The following ATP8A2 variants were observed in gnomAD, a reference collection of about 807,000 sequenced individuals.
ATP8A2 encodes the protein ATPase phospholipid transporting 8A2.
A neutral mutation model predicts 165.6 loss-of-function variants in ATP8A2; 100 were observed. The observed-to-expected ratio is 0.60, with a 90% CI of 0.51 to 0.71. The LOEUF (loss-of-function observed/expected upper bound fraction) is 0.71. Ranked by LOEUF, ATP8A2 falls within the 30% of genes least tolerant of loss-of-function variation. The pLI is 0.00. For missense variants in ATP8A2, 1,227 were observed against 1,479.5 expected, an observed-to-expected ratio of 0.83 and a Z score of 2.80; for synonymous variants, 543 against 548.8, an observed-to-expected ratio of 0.99 and a Z score of 0.15.
chr13:25,810,206 A>G (rs1344090366), intron 27 of ATP8A2, among the ~76,000 whole-genome samples: 1 of 152,204 alleles, frequency 6.6e-6, no homozygotes, highest in Non-Finnish European at 1.5e-5. Flanking sequence ...TTCTGAATTT[A>G]CCCATACTTC....
intron 27 of ATP8A2, among the ~76,000 whole-genome samples, chr13:25,791,650 T>A (rs954590879): frequency 6.6e-6 from 1 of 151,872 alleles, no homozygotes; most frequent in Non-Finnish European, 1.5e-5. Context: ...GTGGTTTCTC[T>A]CCTCCCAGAA....
chr13:25,719,141 G>T (rs1448629243), intron 25 of ATP8A2, among the ~76,000 whole-genome samples: 1 of 152,182 alleles, frequency 6.6e-6, no homozygotes, highest in Non-Finnish European at 1.5e-5. Flanking sequence ...GGAAACTTCC[G>T]TGATCCGGCT....
intron 33 of ATP8A2, among the ~76,000 whole-genome samples, chr13:25,924,927 C>T (rs1461329246): frequency 6.6e-6 from 1 of 152,184 alleles, no homozygotes; most frequent in African/African-American, 2.4e-5. Flanking sequence ...CCTCCTTTGC[C>T]TTCTGCCATG....
intron 33 of ATP8A2, among the ~76,000 whole-genome samples, chr13:25,943,321 C>T (rs9511984): frequency 0.39 from 58,754 of 152,018 alleles, 11,790 homozygotes; most frequent in African/African-American, 0.49. Context: ...TAGTCATGCA[C>T]GATGTAACAA....
At chr13:25,765,603 C>G (rs1214780147) in intron 25 of ATP8A2, among the ~76,000 whole-genome samples, 1 of 152,192 alleles carries the variant, frequency 6.6e-6, no homozygotes, top group Non-Finnish European at 1.5e-5. Flanking sequence ...ATGAGAATTT[C>G]ATGCTCCTAA....
chr13:25,783,792 C>T lies in ATP8A2; in HGVS notation c.2679+8833C>T, dbSNP rs138798222. 1.9e-3 allele frequency among the ~76,000 whole-genome samples: 283 copies of T among 152,286 alleles called. 1 individual carries two copies. Among genetic ancestry groups the T allele is most frequent in the Middle Eastern group, 0.01 (3 of 294 alleles). The stretch of plus-strand genomic sequence containing the variant: ...TGATAAATGTCAGCAATTAGCCCAG[C>T]CCTTAGTACCTAACAGAGAAGAAAT... On this transcript the variant is annotated intron_variant, in intron 27 of 36. Coordinates refer to ENST00000381655, the MANE Select transcript of ATP8A2 (RefSeq NM_016529.6).
chr13:25,894,228 A>G (rs1953465478), intron 33 of ATP8A2, among the ~76,000 whole-genome samples: 1 of 152,116 alleles, frequency 6.6e-6, no homozygotes, highest in Admixed American at 6.6e-5. Flanking sequence ...TAAGGAAGGG[A>G]TCCAGTTTCA....
chr13:25,579,918 T>C lies in ATP8A2; in HGVS notation c.1978T>C (p.Leu660=). 6.2e-7 allele frequency: 1 copy of C among 1,613,934 alleles called. No homozygotes were observed. The highest frequency in any genetic ancestry group is 8.5e-7 in the Non-Finnish European group (1 of 1,179,958). ...CATATTGAAGGACAGAGCTCAACGGTTGGAAGAGTGTTACGAGATCATTGA... is the reference window on the plus strand; with the variant it reads ...CATATTGAAGGACAGAGCTCAACGGCTGGAAGAGTGTTACGAGATCATTGA... ...STILKDRAQR[L]EECYEIIEKN... Residue 660 remains leucine, a synonymous_variant, in exon 22 of 37, where the codon TTG becomes CTG. Transcript: ENST00000381655.
chr13:25,918,272 C>G (rs1187214692), intron 33 of ATP8A2, among the ~76,000 whole-genome samples: 1 of 152,128 alleles, frequency 6.6e-6, no homozygotes, highest in Non-Finnish European at 1.5e-5. Flanking sequence ...GGAGCTTTTC[C>G]TGGGAAGAGC....
chr13:25,701,307 G>C (rs1490567341), intron 25 of ATP8A2, among the ~76,000 whole-genome samples: 1 of 152,130 alleles, frequency 6.6e-6, no homozygotes, highest in Non-Finnish European at 1.5e-5. Flanking sequence ...TTAGATTAGG[G>C]CTATGCAAAT....
chr13:25,673,733 C>T (rs561888133), intron 24 of ATP8A2, among the ~76,000 whole-genome samples: 5 of 152,248 alleles, frequency 3.3e-5, no homozygotes, highest in South Asian at 2.1e-4. Flanking sequence ...GAATGATTCA[C>T]GGCAATGGAA....
At chr13:25,936,332 A>G (rs1954888637) in intron 33 of ATP8A2, among the ~76,000 whole-genome samples, 1 of 152,190 alleles carries the variant, frequency 6.6e-6, no homozygotes, top group South Asian at 2.1e-4. Flanking sequence ...GTTGGGGATT[A>G]TAGGGAAGGA....
Position 25,531,186 on chromosome 13 carries a change from TTA to T in ATP8A2, c.420+532_420+533del, listed in dbSNP as rs58770364. Among the ~76,000 whole-genome samples the T allele has an allele frequency of 7.7e-4, 107 of 138,070 alleles. 2 individuals carry two copies. The highest frequency in any genetic ancestry group is 2.0e-3 in the African/African-American group (70 of 34,980). 90.6% of individuals were successfully genotyped at this position (138,070 alleles called of 152,430 possible). On this transcript the variant is annotated intron_variant, in intron 4 of 36. Coordinates refer to ENST00000381655, the MANE Select transcript of ATP8A2 (RefSeq NM_016529.6). ...ATATATGTTATATGATATATATATGTTATATATGTTATATATGATATATGTTA... is the reference window on the plus strand; with the variant it reads ...ATATATGTTATATGATATATATATGTTATATGTTATATATGATATATGTTA...
chr13:25,937,138 G>C (rs938656843), intron 33 of ATP8A2, among the ~76,000 whole-genome samples: 5 of 152,028 alleles, frequency 3.3e-5, no homozygotes, highest in Admixed American at 3.3e-4. Flanking sequence ...ACTGACAATA[G>C]TTGATTAATA....
chr13:25,515,205 G>A (rs1353917764), intron 2 of ATP8A2, among the ~76,000 whole-genome samples: 2 of 152,138 alleles, frequency 1.3e-5, no homozygotes, highest in African/African-American at 2.4e-5. Flanking sequence ...CCAACCCACC[G>A]GCCTTTGGAC....
At chr13:25,507,227 G>T (rs912302770) in intron 2 of ATP8A2, among the ~76,000 whole-genome samples, 16 of 62,760 alleles carry the variant, frequency 2.5e-4, no homozygotes, top group Admixed American at 1.8e-3. Flanking sequence ...CTTTGTGTGT[G>T]TGTGTGTGTG....
intron 24 of ATP8A2, among the ~76,000 whole-genome samples, chr13:25,607,841 G>T (rs2040557527): frequency 6.6e-6 from 1 of 152,140 alleles, no homozygotes; most frequent in African/African-American, 2.4e-5. Context: ...TATAAATCAT[G>T]CAGAGGTTTA....
At chr13:25,659,669 G>T (rs971486636) in intron 24 of ATP8A2, among the ~76,000 whole-genome samples, 3 of 152,130 alleles carry the variant, frequency 2.0e-5, no homozygotes, top group African/African-American at 7.2e-5. Flanking sequence ...GGGGGAAAAA[G>T]AAAAAGTAAG....
intron 24 of ATP8A2, among the ~76,000 whole-genome samples, chr13:25,623,348 G>A (rs4468452): frequency 0.83 from 126,087 of 152,138 alleles, 53,240 homozygotes; most frequent in African/African-American, 0.91. Context: ...GTGAGCTATG[G>A]TCATGCCACT....
Sources: allele counts gnomAD v4.1 joint callset (sites outside exome capture counted in the v4.1 genomes callset), GRCh38; gene constraint gnomAD v4.1.1; transcripts MANE v1.5; gene names NCBI Gene and HGNC (gene_info 2026-07-23, HGNC 2026-07-21).